PCDH11X: variants seen among roughly 807,000 people sequenced by gnomAD.
PCDH11X encodes protocadherin-11 X-linked.
Under a neutral mutation model 53.3 loss-of-function variants are expected in PCDH11X, and 18 were observed. The ratio of observed to expected loss-of-function variants is 0.34; its 90% CI spans 0.23 to 0.50. The LOEUF (loss-of-function observed/expected upper bound fraction) is 0.50. Ranked by LOEUF, PCDH11X falls within the 20% of genes least tolerant of loss-of-function variation. PCDH11X has a pLI of 0.98. For synonymous variants in PCDH11X, 279 were observed against 393.3 expected (o/e 0.71, Z 3.44); for missense variants, 570 against 1,032.4 (o/e 0.55, Z 6.14).
intron 7 of PCDH11X, among the ~76,000 whole-genome samples, chrX:92,242,974 A>G (rs1393713515): frequency 1.8e-5 from 2 of 110,426 alleles, no homozygotes; most frequent in Non-Finnish European, 3.8e-5. Context: ...TTTTTTTACT[A>G]TTGAATTTTT....
chrX:92,246,744 T>C (rs1207067404), intron 7 of PCDH11X, among the ~76,000 whole-genome samples: 1 of 112,095 alleles, frequency 8.9e-6, no homozygotes. Context: ...AAAAGTAGGA[T>C]ATTTACTATG....
At chrX:91,897,987 T>C in intron 6 of PCDH11X, among the ~76,000 whole-genome samples, 1 of 111,911 alleles carries the variant, frequency 8.9e-6, no homozygotes. Context: ...ACCTTTTTTT[T>C]CCAAATCTGG....
At chrX:92,303,258 A>C (rs1934135021) in intron 8 of PCDH11X, among the ~76,000 whole-genome samples, 2 of 111,248 alleles carry the variant, frequency 1.8e-5, no homozygotes, top group African/African-American at 6.5e-5. Flanking sequence ...ATTCTGTCAC[A>C]ATATACTTTC....
intron 4 of PCDH11X, among the ~76,000 whole-genome samples, chrX:91,825,592 A>C (rs1402447764): frequency 9.0e-6 from 1 of 110,916 alleles, no homozygotes; most frequent in Non-Finnish European, 1.9e-5. Flanking sequence ...CCCTAGTGAG[A>C]TGAACCCAGT....
intron 6 of PCDH11X, among the ~76,000 whole-genome samples, chrX:91,914,291 G>A (rs943077740): frequency 9.0e-6 from 1 of 111,242 alleles, no homozygotes; most frequent in Non-Finnish European, 1.9e-5. Context: ...CACTGAAATA[G>A]TCTAACCAAA....
chrX:92,486,711 C>T (rs1474675259), intron 10 of PCDH11X, among the ~76,000 whole-genome samples: 1 of 110,677 alleles, frequency 9.0e-6, no homozygotes, highest in Admixed American at 9.8e-5. Flanking sequence ...AGCTATTTTG[C>T]TTGCCAAATA....
chrX:92,604,746 A>G (rs1256724237), intron 10 of PCDH11X, among the ~76,000 whole-genome samples: 1 of 109,771 alleles, frequency 9.1e-6, no homozygotes, highest in Non-Finnish European at 1.9e-5. Flanking sequence ...ACGGAAAATC[A>G]TTATACTATG....
chrX:92,058,580 G>A (rs1442604013), intron 6 of PCDH11X, among the ~76,000 whole-genome samples: 1 of 111,215 alleles, frequency 9.0e-6, no homozygotes, highest in African/African-American at 3.3e-5. Context: ...CTATATACAA[G>A]TACATGTCAT....
At chrX:91,818,149 G>A (rs1936511748) in intron 4 of PCDH11X, among the ~76,000 whole-genome samples, 1 of 111,080 alleles carries the variant, frequency 9.0e-6, no homozygotes, top group South Asian at 3.8e-4. Flanking sequence ...CACATATTTT[G>A]TACTCTGTGA....
At chrX:92,114,421 G>T in intron 6 of PCDH11X, 3 of 916,951 alleles carry the variant, frequency 3.3e-6, no homozygotes, top group Non-Finnish European at 3.2e-6. Flanking sequence ...CATCCCATCG[G>T]GGCCATTGTC....
chrX:92,581,490 G>GC (rs758824176), intron 10 of PCDH11X, among the ~76,000 whole-genome samples: 9 of 111,838 alleles, frequency 8.0e-5, no homozygotes, highest in African/African-American at 2.9e-4. Flanking sequence ...ATTCTCTCTT[G>GC]CCTATTGCCA....
intron 1 of PCDH11X, among the ~76,000 whole-genome samples, chrX:91,788,067 A>G (rs1011420363): frequency 3.6e-5 from 4 of 111,702 alleles, no homozygotes; most frequent in African/African-American, 1.3e-4. Flanking sequence ...GTATTGGGTG[A>G]TAGCATGAAT....
At position 92,619,133 on chromosome X, in the gene PCDH11X, G is replaced by A. The variant is rs1928303122; in HGVS notation, c.*193G>A. 2.1e-6 allele frequency: 1 copy of A among 470,929 alleles called. No homozygotes were observed. The highest frequency in any genetic ancestry group is 3.6e-6 in the Non-Finnish European group (1 of 281,131). The allele number at this position is 470,929 out of a possible 1,213,427, so 38.8% of individuals were successfully genotyped here. ...TTGCAATTTGTTTAATTCAGAATGT[G>A]TATTTAAAAAGAAAAGGAATTTAAC... On this transcript the variant is annotated 3_prime_UTR_variant, in exon 11 of 11. Coordinates refer to ENST00000682573, the MANE Select transcript of PCDH11X (RefSeq NM_032968.5).
chrX:91,819,895 C>T (rs1936591714), intron 4 of PCDH11X, among the ~76,000 whole-genome samples: 1 of 96,427 alleles, frequency 1.0e-5, no homozygotes, highest in African/African-American at 3.9e-5. Context: ...TTGTTCAGTT[C>T]CCACCTATGA....
chrX:92,404,626 G>A (rs1404687976), intron 9 of PCDH11X, among the ~76,000 whole-genome samples: 1 of 108,167 alleles, frequency 9.2e-6, no homozygotes, highest in Non-Finnish European at 1.9e-5. Context: ...AAAGTTTTAT[G>A]TGTGGATATA....
chrX:91,827,152 A>ATTCTGAC (rs1220330205), intron 4 of PCDH11X, among the ~76,000 whole-genome samples: 1 of 111,669 alleles, frequency 9.0e-6, no homozygotes, highest in Admixed American at 9.5e-5. Context: ...AATAGTAGCC[A>ATTCTGAC]TTCTGACTAG....
At chrX:92,154,793 C>T (rs2065500614) in intron 6 of PCDH11X, among the ~76,000 whole-genome samples, 1 of 99,998 alleles carries the variant, frequency 1.0e-5, no homozygotes, top group Non-Finnish European at 2.0e-5. Context: ...GGCCCGATTC[C>T]GGGGGAAAAC....
At chrX:92,070,723 G>C (rs112573216) in intron 6 of PCDH11X, among the ~76,000 whole-genome samples, 4,130 of 111,055 alleles carry the variant, frequency 0.037, 195 homozygotes, top group African/African-American at 0.13. Context: ...GGTTTGGAAA[G>C]TTTTCTAATA....
intron 5 of PCDH11X, among the ~76,000 whole-genome samples, chrX:91,852,100 G>A (rs1334154159): frequency 2.1e-5 from 2 of 97,526 alleles, no homozygotes; most frequent in Non-Finnish European, 4.0e-5. Flanking sequence ...TACAACCTCC[G>A]CCTCCCGGGT....
Sources: allele counts gnomAD v4.1 joint callset (sites outside exome capture counted in the v4.1 genomes callset), GRCh38; gene constraint gnomAD v4.1.1; transcripts MANE v1.5; gene names NCBI Gene and HGNC (gene_info 2026-07-23, HGNC 2026-07-21).